Variants in ARHGAP12 observed in about 807,000 individuals in gnomAD.
The protein encoded by ARHGAP12 is rho GTPase-activating protein 12.
In ARHGAP12, 64 loss-of-function variants were observed where a neutral mutation model predicts 108.6. The observed-to-expected ratio is 0.59, with a 90% CI of 0.48 to 0.73. The LOEUF is 0.73. ARHGAP12 is among the 30% of genes least tolerant of loss of function. ARHGAP12 has a pLI of 0.00. For synonymous variants in ARHGAP12, 312 were observed against 337.2 expected (o/e 0.93, Z 0.82); for missense variants, 940 against 1,005.9 (o/e 0.93, Z 0.89).
intron 6 of ARHGAP12, among the ~76,000 whole-genome samples, chr10:31,844,771 A>G (rs964005498): frequency 6.8e-6 from 1 of 146,888 alleles, no homozygotes; most frequent in African/African-American, 2.5e-5. Context: ...TGAGTTTTAT[A>G]CATGTGCCCT....
chr10:31,856,243 A>G (rs1006547932), intron 4 of ARHGAP12, among the ~76,000 whole-genome samples: 6 of 152,118 alleles, frequency 3.9e-5, no homozygotes, highest in Non-Finnish European at 7.4e-5. Flanking sequence ...AGCTAAGTGG[A>G]AACAAGAATC....
chr10:31,845,883 G>T (rs900606268), intron 6 of ARHGAP12, among the ~76,000 whole-genome samples: 1 of 152,158 alleles, frequency 6.6e-6, no homozygotes, highest in Non-Finnish European at 1.5e-5. Flanking sequence ...TAACAGGTGT[G>T]TTTAGAGCAT....
chr10:31,910,275 C>A (rs1005032041), intron 2 of ARHGAP12, among the ~76,000 whole-genome samples: 2 of 152,134 alleles, frequency 1.3e-5, no homozygotes, highest in Non-Finnish European at 2.9e-5. Flanking sequence ...AATGTGCAAA[C>A]CCAAGGTTCC....
At chr10:31,921,346 T>C (rs767333935) in intron 1 of ARHGAP12, among the ~76,000 whole-genome samples, 18 of 152,152 alleles carry the variant, frequency 1.2e-4, no homozygotes, top group Non-Finnish European at 2.4e-4. Flanking sequence ...TTTCAAAATT[T>C]GTGGGATACA....
Position 31,817,898 on chromosome 10 carries a change from A to G in ARHGAP12, c.1633-12T>C, listed in dbSNP as rs368804444. Reference sequence around the variant, plus strand: ...TGACGAGTTTTCAGCTTTAGAGAAAAGCAGGGAGAAAAAAGAGTATGGTCA... The same window carrying G: ...TGACGAGTTTTCAGCTTTAGAGAAAGGCAGGGAGAAAAAAGAGTATGGTCA... On this transcript the variant is annotated splice_polypyrimidine_tract_variant and intron_variant, in intron 12 of 19. Coordinates refer to ENST00000344936, the MANE Select transcript of ARHGAP12 (RefSeq NM_018287.7). 50 of 1,599,150 alleles carry G rather than the reference A, an allele frequency of 3.1e-5. No homozygotes were observed. In the African/African-American group the frequency reaches 6.3e-4, roughly 20 times the overall value.
chr10:31,871,554 C>T (rs1258590431), intron 3 of ARHGAP12, among the ~76,000 whole-genome samples: 2 of 152,158 alleles, frequency 1.3e-5, no homozygotes, highest in African/African-American at 2.4e-5. Flanking sequence ...CCCGCCTCCC[C>T]TGACAAAGAC....
At chr10:31,865,291 G>A (rs1248759435) in intron 3 of ARHGAP12, among the ~76,000 whole-genome samples, 1 of 152,076 alleles carries the variant, frequency 6.6e-6, no homozygotes, top group Non-Finnish European at 1.5e-5. Context: ...GATGAAGAGA[G>A]CTGCAATAGG....
intron 8 of ARHGAP12, 69 bp from the exon 9 acceptor site, chr10:31,839,388 C>T: frequency 6.8e-7 from 1 of 1,459,978 alleles, no homozygotes; most frequent in Non-Finnish European, 9.4e-7. Context: ...TTTTTAAAAA[C>T]AAATATAAGT....
intron 10 of ARHGAP12, among the ~76,000 whole-genome samples, chr10:31,831,150 A>C (rs1016318433): frequency 1.2e-4 from 19 of 152,260 alleles, no homozygotes; most frequent in Admixed American, 2.6e-4. Flanking sequence ...AGTGTAGTTT[A>C]AAACGTGCAA....
intron 2 of ARHGAP12, among the ~76,000 whole-genome samples, 197 bp from the exon 3 acceptor site, chr10:31,909,123 A>G (rs538930789): frequency 6.6e-6 from 1 of 152,198 alleles, no homozygotes; most frequent in Non-Finnish European, 1.5e-5. Flanking sequence ...TGTAATCTAC[A>G]TTTTTCAGTC....
intron 7 of ARHGAP12, among the ~76,000 whole-genome samples, chr10:31,839,927 T>G (rs1836196872): frequency 6.6e-6 from 1 of 152,124 alleles, no homozygotes; most frequent in Admixed American, 6.5e-5. Flanking sequence ...CAATTACAGT[T>G]AAATTTAAAT....
intron 1 of ARHGAP12, among the ~76,000 whole-genome samples, chr10:31,920,254 C>T (rs1839737899): frequency 6.6e-6 from 1 of 151,724 alleles, no homozygotes; most frequent in Non-Finnish European, 1.5e-5. Context: ...AGTTCCAGAC[C>T]AGCCTGACCA....
At chr10:31,920,364 C>T (rs1478932103) in intron 1 of ARHGAP12, among the ~76,000 whole-genome samples, 5 of 142,500 alleles carry the variant, frequency 3.5e-5, no homozygotes, top group South Asian at 4.5e-4. Flanking sequence ...GCAGGAGAAT[C>T]GCTTGAACCC....
Position 31,821,559 on chromosome 10 carries a change from A to C in ARHGAP12, c.1531-1071T>G, listed in dbSNP as rs1272376855. Among the ~76,000 whole-genome samples, 3 of 152,310 alleles carry C rather than the reference A, an allele frequency of 2.0e-5. No homozygotes were observed. In the East Asian group the frequency reaches 5.8e-4, roughly 29 times the overall value. On this transcript the variant is annotated intron_variant, in intron 11 of 19. Transcript: ENST00000344936. ...AAATCAAATTAATTTGTCATTAGAA[A>C]TTATCTTACCCAACTTTGTGATAAC...
At chr10:31,857,686 T>C (rs180847023) in intron 4 of ARHGAP12, among the ~76,000 whole-genome samples, 5 of 152,066 alleles carry the variant, frequency 3.3e-5, no homozygotes, top group African/African-American at 1.2e-4. Flanking sequence ...AGAGACAAAC[T>C]ACACTTAAAG....
At chr10:31,875,922 T>C (rs1272880528) in intron 3 of ARHGAP12, among the ~76,000 whole-genome samples, 1 of 152,232 alleles carries the variant, frequency 6.6e-6, no homozygotes, top group Non-Finnish European at 1.5e-5. Flanking sequence ...ATAAGTGGAA[T>C]TATACAGTAT....
intron 3 of ARHGAP12, among the ~76,000 whole-genome samples, chr10:31,890,485 G>A (rs957050935): frequency 2.6e-5 from 4 of 152,106 alleles, no homozygotes; most frequent in Non-Finnish European, 5.9e-5. Flanking sequence ...CCCCTAAATC[G>A]CCTAAGATTC....
At chr10:31,852,422 A>G (rs1836718667) in intron 6 of ARHGAP12, 95 bp downstream of exon 6, 1 of 1,019,538 alleles carries the variant, frequency 9.8e-7, no homozygotes, top group Middle Eastern at 2.1e-4. Context: ...TTGTAAAAGT[A>G]GAATAAAGAT....
At chr10:31,871,930 A>G (rs1261889262) in intron 3 of ARHGAP12, among the ~76,000 whole-genome samples, 1 of 152,168 alleles carries the variant, frequency 6.6e-6, no homozygotes, top group Non-Finnish European at 1.5e-5. Context: ...TAGAGCCCAC[A>G]TCTCTCCAGT....
Sources: gnomAD v4.1 joint callset for allele counts (sites outside exome capture counted in the v4.1 genomes callset) on GRCh38, gnomAD v4.1.1 for gene constraint, MANE v1.5 for transcripts, NCBI Gene and HGNC (gene_info 2026-07-23, HGNC 2026-07-21) for gene names.